IL20RA: variants seen among roughly 807,000 people sequenced by gnomAD.
The protein encoded by IL20RA is interleukin 20 receptor subunit alpha.
IL20RA carries 29 observed loss-of-function variants against 36.5 expected under a neutral mutation model. That is an observed-to-expected ratio of 0.79 (90% CI 0.59 to 1.08). The LOEUF (loss-of-function observed/expected upper bound fraction) is 1.08, where lower values mean the gene tolerates loss of function less well. Among genes scored for constraint, IL20RA ranks in the 50% least tolerant of loss-of-function variants. The probability of loss-of-function intolerance (pLI) is 0.00; values close to 1 mark genes in which losing one functional copy is unlikely to be tolerated. For synonymous variants in IL20RA, 279 were observed against 267.1 expected, an observed-to-expected ratio of 1.04 and a Z score of -0.43; for missense variants, 652 against 668.4, an observed-to-expected ratio of 0.98 and a Z score of 0.27.
At chr6:137,018,213 C>T (rs1562235219) in intron 1 of IL20RA, among the ~76,000 whole-genome samples, 2 of 152,130 alleles carry the variant, frequency 1.3e-5, no homozygotes, top group Non-Finnish European at 2.9e-5. Flanking sequence ...GTAGCTGGGA[C>T]TAATGTCAGA....
chr6:137,008,817 G>T, intron 4 of IL20RA, 74 bp from the exon 5 acceptor site: 2 of 975,356 alleles, frequency 2.1e-6, no homozygotes, highest in African/African-American at 1.7e-5. Flanking sequence ...AACTGTAGAA[G>T]GAAATAGAAG....
At chr6:137,031,382 T>G (rs276504) in intron 1 of IL20RA, among the ~76,000 whole-genome samples, 1 of 152,018 alleles carries the variant, frequency 6.6e-6, no homozygotes. Context: ...TCAGAAATAA[T>G]GTCACGTGCT....
chr6:137,013,569 T>C (rs1397559132), intron 2 of IL20RA, among the ~76,000 whole-genome samples: 1 of 152,206 alleles, frequency 6.6e-6, no homozygotes, highest in Non-Finnish European at 1.5e-5. Context: ...CAAATTCACA[T>C]GACTAGTAAA....
At chr6:137,010,833 C>A (rs1234911351) in intron 3 of IL20RA, among the ~76,000 whole-genome samples, 1 of 151,938 alleles carries the variant, frequency 6.6e-6, no homozygotes, top group African/African-American at 2.4e-5. Flanking sequence ...AATTACATAG[C>A]TTCCACAAAG....
chr6:137,020,297 A>G (rs1463249337), intron 1 of IL20RA, among the ~76,000 whole-genome samples: 2 of 152,216 alleles, frequency 1.3e-5, no homozygotes, highest in Non-Finnish European at 2.9e-5. Context: ...CCTCTTGACT[A>G]CACTACTGTG....
chr6:137,018,171 A>G (rs915227613), intron 1 of IL20RA, among the ~76,000 whole-genome samples: 3 of 152,236 alleles, frequency 2.0e-5, no homozygotes, highest in Admixed American at 2.0e-4. Context: ...GGCAGGTCCA[A>G]TCTTGGCTAA....
chr6:137,004,959 A>G (rs1327340541), intron 5 of IL20RA, among the ~76,000 whole-genome samples, 199 bp from the exon 6 acceptor site: 1 of 152,176 alleles, frequency 6.6e-6, no homozygotes, highest in Non-Finnish European at 1.5e-5. Context: ...TCTCCCTGAC[A>G]AGAGACGGTC....
At chr6:137,006,601 C>G (rs1362047674) in intron 5 of IL20RA, among the ~76,000 whole-genome samples, 1 of 152,082 alleles carries the variant, frequency 6.6e-6, no homozygotes, top group African/African-American at 2.4e-5. Context: ...AGAGGTAATA[C>G]TGATTATTCA....
At chr6:137,006,381 T>A (rs377706639) in intron 5 of IL20RA, among the ~76,000 whole-genome samples, 1 of 152,200 alleles carries the variant, frequency 6.6e-6, no homozygotes, top group East Asian at 1.9e-4. Context: ...CCACCTGCCC[T>A]GCTTGTAGCC....
intron 1 of IL20RA, among the ~76,000 whole-genome samples, chr6:137,030,197 C>T (rs1207683643): frequency 3.3e-5 from 5 of 150,038 alleles, no homozygotes; most frequent in African/African-American, 1.2e-4. Context: ...CCTCCCTCCT[C>T]AGTCTCCTGA....
At chr6:137,033,086 C>T (rs1000117513) in intron 1 of IL20RA, among the ~76,000 whole-genome samples, 7 of 152,176 alleles carry the variant, frequency 4.6e-5, no homozygotes, top group Admixed American at 4.6e-4. Context: ...AATGGACATT[C>T]ATTATCTCAC....
chr6:137,009,533 A>G, intron 3 of IL20RA, 41 bp from the exon 4 acceptor site: 1 of 1,281,356 alleles, frequency 7.8e-7, no homozygotes, highest in Non-Finnish European at 1.1e-6. Context: ...GTTCAGATGA[A>G]AAATTACCTT....
intron 1 of IL20RA, among the ~76,000 whole-genome samples, chr6:137,020,171 C>A (rs1002968120): frequency 2.4e-4 from 36 of 152,340 alleles, no homozygotes; most frequent in African/African-American, 8.7e-4. Flanking sequence ...GTAACTGAGG[C>A]TTCCCAAAGC....
chr6:137,027,945 G>A (rs1776150746), intron 1 of IL20RA, among the ~76,000 whole-genome samples: 1 of 152,236 alleles, frequency 6.6e-6, no homozygotes, highest in Admixed American at 6.5e-5. Context: ...GCATATTAAA[G>A]ATTGTGGCTT....
In IL20RA at chr6:137,004,159, C is replaced by CGTTTTTTTT. The variant is rs531501235; in HGVS notation, c.864+461_864+462insAAAAAAAAC. Among the ~76,000 whole-genome samples, 16 of 88,016 alleles carry CGTTTTTTTT rather than the reference C, an allele frequency of 1.8e-4. 8 individuals carry two copies. The highest frequency in any genetic ancestry group is 1.6e-4 in the Non-Finnish European group (8 of 49,124). 57.7% of individuals were successfully genotyped at this position (88,016 alleles called of 152,430 possible). On this transcript the variant is annotated intron_variant, in intron 6 of 6. Transcript: ENST00000316649. The stretch of plus-strand genomic sequence containing the variant: ...TCTGTTAGTCAGCTAATCCAGAAAG[C>CGTTTTTTTT]TTTTTTTTTTTTTTTTTTTTTTTTT...
chr6:137,002,312 G>A lies in IL20RA; in HGVS notation c.908C>T (p.Pro303Leu). ...GNEFDKRFFV[P>L]AEKIVINFIT... ...AAAGTTAATCACGATTTTTTCAGCA[G>A]GCACAAAGAATCTTTTGTCAAATTC... The change falls in exon 7 of 7, where the codon CCT (proline) becomes CTT (leucine). Residue 303 changes from proline to leucine, a missense_variant. By Grantham distance (98) the Pro-to-Leu change is moderately conservative. Coordinates refer to ENST00000316649, the MANE Select transcript of IL20RA (RefSeq NM_014432.4). 1 of 1,605,682 alleles carries A rather than the reference G, an allele frequency of 6.2e-7. No individual in the cohort carries two copies. The highest frequency in any genetic ancestry group is 8.5e-7 in the Non-Finnish European group (1 of 1,177,148).
Position 137,001,629 on chromosome 6 carries a change from G to T in IL20RA, c.1591C>A (p.Pro531Thr), listed in dbSNP as rs777520741. ...LYEEPAPDRPPGENETYLMQF... is the reference protein window; with the variant it reads ...LYEEPAPDRPTGENETYLMQF... Reference sequence around the variant, plus strand: ...ATGAGATAGGTTTCATTTTCTCCTGGTGGCCTGTCTGGAGCCGGCTCCTCA... The same window carrying T: ...ATGAGATAGGTTTCATTTTCTCCTGTTGGCCTGTCTGGAGCCGGCTCCTCA... The change falls in exon 7 of 7, where the codon CCA becomes ACA. Residue 531 changes from proline to threonine, a missense_variant. Physicochemically the swap from Pro to Thr is conservative, Grantham distance 38. Transcript: ENST00000316649. 3.7e-6 allele frequency: 6 copies of T among 1,612,176 alleles called. No individual in the cohort carries two copies. In the African/African-American group the frequency reaches 8.0e-5, roughly 22 times the overall value.
intron 1 of IL20RA, among the ~76,000 whole-genome samples, chr6:137,019,072 C>T (rs1775810374): frequency 2.0e-5 from 3 of 151,784 alleles, no homozygotes. Flanking sequence ...CCAGGCATAT[C>T]GTCTCAAGGT....
intron 1 of IL20RA, among the ~76,000 whole-genome samples, chr6:137,019,181 C>G (rs1338298265): frequency 6.6e-6 from 1 of 151,324 alleles, no homozygotes; most frequent in African/African-American, 2.4e-5. Context: ...TGCTGGAGTG[C>G]AGTGGCATGA....
Sources: allele counts gnomAD v4.1 joint callset (sites outside exome capture counted in the v4.1 genomes callset), GRCh38; gene constraint gnomAD v4.1.1; transcripts MANE v1.5; gene names NCBI Gene and HGNC (gene_info 2026-07-23, HGNC 2026-07-21).